ING1: variants seen among roughly 807,000 people sequenced by gnomAD.
The protein encoded by ING1 is inhibitor of growth protein 1.
Under a neutral mutation model 23.1 loss-of-function variants are expected in ING1, and 4 were observed. The observed-to-expected ratio is 0.17, with a 90% CI of 0.09 to 0.40. The LOEUF is 0.40. ING1 is among the 10% of genes least tolerant of loss of function. The pLI is 1.00. For missense variants in ING1, 256 were observed against 393.8 expected, an observed-to-expected ratio of 0.65 and a Z score of 2.96; for synonymous variants, 179 against 166.4, an observed-to-expected ratio of 1.08 and a Z score of -0.58.
chr13:110,715,460 G>A, intron 1 of ING1: 7 of 1,607,216 alleles, frequency 4.4e-6, no homozygotes, highest in Non-Finnish European at 6.0e-6. Flanking sequence ...TTCGTGGAAT[G>A]TCCTTATCAT....
Position 110,719,219 on chromosome 13 carries a change from T to C in ING1, c.137-10T>C. On this transcript the variant is annotated splice_polypyrimidine_tract_variant and intron_variant, in intron 1 of 1. Coordinates refer to ENST00000333219, the MANE Select transcript of ING1 (RefSeq NM_198219.3). This position sits in a 1 kb window ranked among gnomAD's most constrained non-coding sequence, Gnocchi z 8.9. ...TGCTCGCGAGTGACGCCTGTCCTTC[T>C]TGCCCCCAGAGATCCTGAAGGAGCT... 1 of 1,612,858 alleles carries C rather than the reference T, an allele frequency of 6.2e-7. No homozygotes were observed. The highest frequency in any genetic ancestry group is 8.5e-7 in the Non-Finnish European group (1 of 1,179,610).
chr13:110,722,279 CAAAT>C lies in ING1; in HGVS notation c.*2349_*2352del, dbSNP rs915251775. 7 of 152,120 alleles carry C rather than the reference CAAAT, an allele frequency of 4.6e-5. No homozygotes were observed. In the South Asian group the frequency reaches 8.3e-4, roughly 18 times the overall value. The allele number at this position is 152,120 out of a possible 1,614,324, so 9.4% of individuals were successfully genotyped here. On this transcript the variant is annotated 3_prime_UTR_variant, in exon 2 of 2. Coordinates refer to ENST00000333219, the MANE Select transcript of ING1 (RefSeq NM_198219.3). ...TTAAATTTGATGAGATTTACCCAAACAAATAGTGAACAAAAGGTTTATGAAAATA... is the reference window on the plus strand; with the variant it reads ...TTAAATTTGATGAGATTTACCCAAACAGTGAACAAAAGGTTTATGAAAATA...
Position 110,715,262 on chromosome 13 carries a change from A to G in ING1, c.136+977A>G, listed in dbSNP as rs192935957. ...GTTTACAAGGCTGCGCAGTAGGGAA[A>G]CGGAAGAGTTGGGTGGGGGCAAAAA... On this transcript the variant is annotated intron_variant, in intron 1 of 1. Coordinates refer to ENST00000333219, the MANE Select transcript of ING1 (RefSeq NM_198219.3). The G allele has an allele frequency of 2.9e-6, 4 of 1,377,682 alleles. No individual in the cohort carries two copies. In the African/African-American group the frequency reaches 4.4e-5, roughly 15 times the overall value. The allele number at this position is 1,377,682 out of a possible 1,614,324, so 85.3% of individuals were successfully genotyped here.
chr13:110,720,326 C>G lies in ING1; in HGVS notation c.*394C>G, dbSNP rs958069694. 1 of 168,880 alleles carries G rather than the reference C, an allele frequency of 5.9e-6. No homozygotes were observed. 10.5% of individuals were successfully genotyped at this position (168,880 alleles called of 1,614,324 possible). A position where few individuals can be genotyped will look rare whatever the true frequency, so the allele number is the denominator to read the frequency against. Reference sequence around the variant, plus strand: ...AACAATTTTTTTTAATTGGCCATGTCGCCAAAAATACAGCCTATAGTAAAT... The same window carrying G: ...AACAATTTTTTTTAATTGGCCATGTGGCCAAAAATACAGCCTATAGTAAAT... On this transcript the variant is annotated 3_prime_UTR_variant, in exon 2 of 2. Transcript: ENST00000333219.
At chr13:110,713,550 G>C (rs1204651020), upstream of ING1, 3 of 986,058 alleles carry the variant, frequency 3.0e-6, no homozygotes, top group South Asian at 4.6e-5. Flanking sequence ...CCCCGCGAGG[G>C]CCGGCCTGGA....
At chr13:110,713,113 A>G (rs1208594949), upstream of ING1, 49 of 1,436,162 alleles carry the variant, frequency 3.4e-5, no homozygotes, top group Non-Finnish European at 3.9e-5. Context: ...TTCTAGTAGT[A>G]AGAGTCCGGG....
chr13:110,714,678 C>T (rs961516783), intron 1 of ING1, among the ~76,000 whole-genome samples: 2 of 152,316 alleles, frequency 1.3e-5, no homozygotes, highest in African/African-American at 4.8e-5. Flanking sequence ...CGAGACGGGG[C>T]TGCAGGAGGA....
upstream of ING1, chr13:110,713,395 G>A: frequency 1.9e-6 from 2 of 1,033,418 alleles, no homozygotes; most frequent in Non-Finnish European, 2.3e-6. Flanking sequence ...CAGCGGGCGT[G>A]CTGTGCCGCC....
At chr13:110,712,976 G>T, upstream of ING1, 1 of 1,558,152 alleles carries the variant, frequency 6.4e-7, no homozygotes. Context: ...GCCGCGGAAT[G>T]GGTAGGTCTC....
At chr13:110,712,818 G>A, upstream of ING1, 1 of 852,816 alleles carries the variant, frequency 1.2e-6, no homozygotes, top group South Asian at 1.4e-5. Context: ...CACCTCTTCT[G>A]GGGCTCGGCA....
At position 110,721,193 on chromosome 13, in the gene ING1, A is replaced by G. The variant is rs1185700775; in HGVS notation, c.*1261A>G. On this transcript the variant is annotated 3_prime_UTR_variant, in exon 2 of 2. Transcript: ENST00000333219. ...AACTATTTTCTGGCCCTCTGCAGAA[A>G]GGGTTTGCTGACCTCTGATTTAGAC... 4.4e-5 allele frequency: 7 copies of G among 159,286 alleles called. No individual in the cohort carries two copies. The East Asian group carries it at 1.3e-3, about 31-fold the overall frequency. 9.9% of individuals were successfully genotyped at this position (159,286 alleles called of 1,614,324 possible). A position where few individuals can be genotyped will look rare whatever the true frequency, so the allele number is the denominator to read the frequency against.
At chr13:110,714,520 C>A (rs1212326556) in intron 1 of ING1, among the ~76,000 whole-genome samples, 1 of 148,546 alleles carries the variant, frequency 6.7e-6, no homozygotes, top group Non-Finnish European at 1.5e-5. Context: ...CGCTGCAAGG[C>A]TGCGCGACCA....
Position 110,722,605 on chromosome 13 carries a change from G to C in ING1, c.*2673G>C, listed in dbSNP as rs2064178768. 1 of 152,098 alleles carries C rather than the reference G, an allele frequency of 6.6e-6. No individual in the cohort carries two copies. The highest frequency in any genetic ancestry group is 1.5e-5 in the Non-Finnish European group (1 of 68,024). 9.4% of individuals were successfully genotyped at this position (152,098 alleles called of 1,614,324 possible). A position where few individuals can be genotyped will look rare whatever the true frequency, so the allele number is the denominator to read the frequency against. On this transcript the variant is annotated 3_prime_UTR_variant, in exon 2 of 2. Transcript: ENST00000333219. ...ATCTTGAATAAATTGCTTAACAGTTGGTCTATAGTTCTACACTTTTAAAGT... is the reference window on the plus strand; with the variant it reads ...ATCTTGAATAAATTGCTTAACAGTTCGTCTATAGTTCTACACTTTTAAAGT...
chr13:110,716,964 C>G (rs969212261), intron 1 of ING1, among the ~76,000 whole-genome samples: 1 of 152,148 alleles, frequency 6.6e-6, no homozygotes, highest in Non-Finnish European at 1.5e-5. Context: ...AGAAATACTT[C>G]TTGGTAATTT....
intron 1 of ING1, chr13:110,715,069 G>A (rs999441356): frequency 6.3e-5 from 64 of 1,022,082 alleles, no homozygotes; most frequent in Non-Finnish European, 7.5e-5. Context: ...GCAGGTGAGA[G>A]GACCTGTGCG....
chr13:110,712,921 G>A (rs2064050072), upstream of ING1: 3 of 1,553,912 alleles, frequency 1.9e-6, no homozygotes, highest in Non-Finnish European at 2.6e-6. Flanking sequence ...GGTGACGGAT[G>A]GCGCAGGCGC....
upstream of ING1, chr13:110,712,953 G>A (rs1026073202): frequency 3.8e-6 from 6 of 1,560,106 alleles, no homozygotes; most frequent in Non-Finnish European, 5.2e-6. Flanking sequence ...AGGCTGCTGG[G>A]AGTGGTGGTC....
chr13:110,716,152 C>A (rs1220746617), intron 1 of ING1: 3 of 848,272 alleles, frequency 3.5e-6, no homozygotes, highest in African/African-American at 3.5e-5. Context: ...CCACTTTGAT[C>A]GTTCGACGAT....
upstream of ING1, chr13:110,713,518 A>AAC: frequency 1.0e-6 from 1 of 986,454 alleles, no homozygotes; most frequent in Non-Finnish European, 1.2e-6. Flanking sequence ...GCCTCTGGAA[A>AAC]AAGTGACAGG....
Sources: allele counts gnomAD v4.1 joint callset (sites outside exome capture counted in the v4.1 genomes callset), GRCh38; gene constraint gnomAD v4.1.1; non-coding constraint Gnocchi (gnomAD v3.1); transcripts MANE v1.5; gene names NCBI Gene and HGNC (gene_info 2026-07-23, HGNC 2026-07-21).